The following NAV2 variants were observed in gnomAD, a reference collection of about 807,000 sequenced individuals.
NAV2 encodes the protein helicase, APC down-regulated 1.
A neutral mutation model predicts 223.2 loss-of-function variants in NAV2; 54 were observed. The observed-to-expected ratio is 0.24, with a 90% CI of 0.19 to 0.30. The LOEUF (loss-of-function observed/expected upper bound fraction) is 0.30, where lower values mean the gene tolerates loss of function less well. Among genes scored for constraint, NAV2 ranks in the 10% least tolerant of loss-of-function variants. The probability of loss-of-function intolerance (pLI) is 1.00; values close to 1 mark genes in which losing one functional copy is unlikely to be tolerated. For synonymous variants in NAV2, 1,279 were observed against 1,239.3 expected, an observed-to-expected ratio of 1.03 and a Z score of -0.67; for missense variants, 2,806 against 3,147.5, an observed-to-expected ratio of 0.89 and a Z score of 2.60.
At chr11:19,389,063 A>G (rs1052462763) in intron 1 of NAV2, among the ~76,000 whole-genome samples, 1 of 152,190 alleles carries the variant, frequency 6.6e-6, no homozygotes, top group Admixed American at 6.5e-5. Context: ...CTCTCCGGCT[A>G]TGCTTTGTAA....
At chr11:20,037,021 A>G (rs1408711379) in intron 12 of NAV2, among the ~76,000 whole-genome samples, 1 of 152,128 alleles carries the variant, frequency 6.6e-6, no homozygotes, top group Non-Finnish European at 1.5e-5. Flanking sequence ...ACTAGTGGAA[A>G]CGTAAAGTGC....
At chr11:19,480,224 T>C (rs2042237674) in intron 1 of NAV2, among the ~76,000 whole-genome samples, 1 of 152,212 alleles carries the variant, frequency 6.6e-6, no homozygotes. Context: ...ATATGTACTC[T>C]GAGAGTCCCA....
intron 1 of NAV2, among the ~76,000 whole-genome samples, chr11:19,701,013 G>C (rs2049497417): frequency 6.6e-6 from 1 of 152,180 alleles, no homozygotes; most frequent in Admixed American, 6.5e-5. Flanking sequence ...AGAACTTTGT[G>C]AAATAGTCGT....
At chr11:19,787,964 C>T (rs574394948) in intron 1 of NAV2, among the ~76,000 whole-genome samples, 2 of 152,282 alleles carry the variant, frequency 1.3e-5, no homozygotes, top group African/African-American at 4.8e-5. Flanking sequence ...TCCAAAAGAA[C>T]CTGGATGCCC....
At chr11:20,052,305 G>C (rs1564937049) in intron 17 of NAV2, among the ~76,000 whole-genome samples, 1 of 152,220 alleles carries the variant, frequency 6.6e-6, no homozygotes, top group Non-Finnish European at 1.5e-5. Flanking sequence ...CTTTCAATGG[G>C]ATCCTCTGAG....
intron 4 of NAV2, among the ~76,000 whole-genome samples, chr11:19,874,150 C>T (rs1225092294): frequency 6.6e-6 from 1 of 152,206 alleles, no homozygotes; most frequent in Non-Finnish European, 1.5e-5. Context: ...AAGAAAATAA[C>T]TCCTATTTAT....
intron 10 of NAV2, among the ~76,000 whole-genome samples, chr11:19,954,301 G>T (rs1051071638): frequency 7.2e-5 from 11 of 152,186 alleles, no homozygotes; most frequent in African/African-American, 2.7e-4. Flanking sequence ...AGGGGCTGCT[G>T]TCTTCCCTCC....
chr11:19,536,472 C>T (rs2044192648), intron 1 of NAV2, among the ~76,000 whole-genome samples: 1 of 152,202 alleles, frequency 6.6e-6, no homozygotes, highest in Admixed American at 6.5e-5. Context: ...GTTAAAAATG[C>T]AGAATCTCAG....
chr11:20,105,317 C>T (rs891858858), intron 34 of NAV2: 10 of 441,544 alleles, frequency 2.3e-5, no homozygotes, highest in African/African-American at 1.0e-4. Context: ...GTCCGTAAAA[C>T]GGAGGTGGAG....
chr11:19,405,720 G>T (rs945946715), intron 1 of NAV2, among the ~76,000 whole-genome samples: 2 of 152,194 alleles, frequency 1.3e-5, no homozygotes, highest in African/African-American at 4.8e-5. Flanking sequence ...CCAGGTCTCA[G>T]TCCCATCTGT....
At chr11:19,561,227 T>C (rs1205470113) in intron 1 of NAV2, among the ~76,000 whole-genome samples, 1 of 152,214 alleles carries the variant, frequency 6.6e-6, no homozygotes, top group South Asian at 2.1e-4. Flanking sequence ...ATCAAAATGA[T>C]GACTAATTCT....
At position 19,684,271 on chromosome 11, in the gene NAV2, G is replaced by A. The variant is rs535980684; in HGVS notation, c.76-148213G>A. Among the ~76,000 whole-genome samples, 16 of 152,232 alleles carry A rather than the reference G, an allele frequency of 1.1e-4. No homozygotes were observed. In the South Asian group the frequency reaches 2.9e-3, roughly 28 times the overall value. ...CTGTTATATCCTAGGTCTACATGCT[G>A]GACTTCAGCCCTTGTCACAATGTCC... is the stretch of plus-strand genomic sequence containing the variant. On this transcript the variant is annotated intron_variant, in intron 1 of 37. Transcript: ENST00000360655.
At chr11:19,921,486 C>T (rs2044267553) in intron 6 of NAV2, among the ~76,000 whole-genome samples, 1 of 152,178 alleles carries the variant, frequency 6.6e-6, no homozygotes, top group Non-Finnish European at 1.5e-5. Context: ...AAAAGAACCT[C>T]CTGGAGGGAA....
intron 1 of NAV2, among the ~76,000 whole-genome samples, chr11:19,367,831 C>G (rs528814928): frequency 1.3e-5 from 2 of 152,300 alleles, no homozygotes; most frequent in Non-Finnish European, 2.9e-5. Flanking sequence ...GGACTGAGTT[C>G]CCAGAAGATG....
At chr11:19,630,937 AG>A (rs58823124) in intron 1 of NAV2, among the ~76,000 whole-genome samples, 1 of 133,414 alleles carries the variant, frequency 7.5e-6, no homozygotes, top group Admixed American at 7.5e-5. Flanking sequence ...AAAAAAAAAA[AG>A]GAAAAAAGAA....
At chr11:19,551,934 T>TC (rs2044704651) in intron 1 of NAV2, among the ~76,000 whole-genome samples, 1 of 151,514 alleles carries the variant, frequency 6.6e-6, no homozygotes, top group South Asian at 2.1e-4. Context: ...TCTCCACATC[T>TC]CCTCTCCTTT....
intron 1 of NAV2, among the ~76,000 whole-genome samples, chr11:19,427,609 G>C (rs1564928508): frequency 6.6e-6 from 1 of 152,104 alleles, no homozygotes; most frequent in Non-Finnish European, 1.5e-5. Context: ...TGTTGTTGTT[G>C]TTTTTAATTT....
chr11:19,426,005 C>T (rs1430598792), intron 1 of NAV2, among the ~76,000 whole-genome samples: 1 of 152,144 alleles, frequency 6.6e-6, no homozygotes, highest in Non-Finnish European at 1.5e-5. Context: ...ACTGAGAGTT[C>T]TGATTTAGCA....
At chr11:19,812,293 G>A (rs907830715) in intron 1 of NAV2, among the ~76,000 whole-genome samples, 2 of 151,692 alleles carry the variant, frequency 1.3e-5, no homozygotes, top group African/African-American at 4.8e-5. Context: ...TTATCAGTTG[G>A]GTCTCTAATC....
Sources: allele counts gnomAD v4.1 joint callset (sites outside exome capture counted in the v4.1 genomes callset), GRCh38; gene constraint gnomAD v4.1.1; transcripts MANE v1.5; gene names NCBI Gene and HGNC (gene_info 2026-07-23, HGNC 2026-07-21).